CSMD1: variants seen among roughly 807,000 people sequenced by gnomAD.
CSMD1 encodes CUB and Sushi multiple domains 1, also known as CUB and sushi domain-containing protein 1.
A neutral mutation model predicts 417.5 loss-of-function variants in CSMD1; 213 were observed. That is an observed-to-expected ratio of 0.51 (90% CI 0.46 to 0.57). CSMD1 has a LOEUF of 0.57. Among genes scored for constraint, CSMD1 ranks in the 20% least tolerant of loss-of-function variants. The pLI, the probability that CSMD1 is intolerant of heterozygous loss-of-function variation, is 0.00. For synonymous variants in CSMD1, 2,862 were observed against 1,736.8 expected, an observed-to-expected ratio of 1.65 and a Z score of -16.11; for missense variants, 6,923 against 4,529.7, an observed-to-expected ratio of 1.53 and a Z score of -15.17.
chr8:3,148,718 T>G (rs779094893), intron 40 of CSMD1, among the ~76,000 whole-genome samples: 27 of 152,222 alleles, frequency 1.8e-4, no homozygotes, highest in Non-Finnish European at 3.4e-4. Flanking sequence ...CGAAAATGAT[T>G]TAAGCCCTAG....
intron 37 of CSMD1, among the ~76,000 whole-genome samples, chr8:3,173,142 A>C (rs1285189023): frequency 6.6e-6 from 1 of 152,214 alleles, no homozygotes; most frequent in Non-Finnish European, 1.5e-5. Flanking sequence ...TACGTAATTT[A>C]TTTGGCACCT....
intron 1 of CSMD1, among the ~76,000 whole-genome samples, chr8:4,666,263 C>A (rs540088168): frequency 3.3e-5 from 5 of 152,124 alleles, no homozygotes; most frequent in Admixed American, 2.6e-4. Flanking sequence ...GATGGAATCA[C>A]GGTTGCTAAT....
At chr8:4,815,844 G>A (rs949500687) in intron 1 of CSMD1, among the ~76,000 whole-genome samples, 1 of 152,004 alleles carries the variant, frequency 6.6e-6, no homozygotes, top group Non-Finnish European at 1.5e-5. Context: ...CTCCCAAGAA[G>A]GGCTGTGGTT....
At chr8:4,736,642 T>A (rs529581493) in intron 1 of CSMD1, among the ~76,000 whole-genome samples, 1 of 152,190 alleles carries the variant, frequency 6.6e-6, no homozygotes, top group South Asian at 2.1e-4. Flanking sequence ...CACCTAATTA[T>A]CAAAAGGAAT....
chr8:4,142,302 G>C (rs1369750927), intron 3 of CSMD1, among the ~76,000 whole-genome samples: 1 of 151,010 alleles, frequency 6.6e-6, no homozygotes, highest in Admixed American at 6.6e-5. Context: ...TGCTCCCAAA[G>C]ATTTGCTATC....
chr8:3,608,982 T>A (rs1262241847), intron 8 of CSMD1, among the ~76,000 whole-genome samples: 1 of 152,140 alleles, frequency 6.6e-6, no homozygotes, highest in African/African-American at 2.4e-5. Flanking sequence ...CCTCATTGGC[T>A]ACTTTGTGAA....
chr8:4,005,488 CCA>C (rs1021178478), intron 4 of CSMD1, among the ~76,000 whole-genome samples: 1 of 152,136 alleles, frequency 6.6e-6, no homozygotes, highest in Non-Finnish European at 1.5e-5. Context: ...TGAATTATCT[CCA>C]GTTTCAAATC....
rs1037057831 is a variant in CSMD1 at position 3,040,747 on chromosome 8, G to A, written c.7661-11234C>T. 2.0e-5 allele frequency among the ~76,000 whole-genome samples: 3 copies of A among 152,122 alleles called. No homozygotes were observed. In the South Asian group the frequency reaches 6.2e-4, roughly 31 times the overall value. Reference sequence around the variant, plus strand: ...GAACCCGAGAGACAGAGGTTAGAGCGAGTTGAGATCGTGCCACTGCACTCC... The same window carrying A: ...GAACCCGAGAGACAGAGGTTAGAGCAAGTTGAGATCGTGCCACTGCACTCC... On this transcript the variant is annotated intron_variant, in intron 50 of 69. Coordinates refer to ENST00000635120, the MANE Select transcript of CSMD1 (RefSeq NM_033225.6).
intron 5 of CSMD1, among the ~76,000 whole-genome samples, chr8:3,822,394 T>C (rs997783999): frequency 3.3e-5 from 5 of 151,976 alleles, no homozygotes; most frequent in South Asian, 2.1e-4. Context: ...TAAAAAAGAG[T>C]CTGAAACCTT....
chr8:3,393,674 TTC>T, intron 17 of CSMD1, among the ~76,000 whole-genome samples: 1 of 151,744 alleles, frequency 6.6e-6, no homozygotes, highest in Non-Finnish European at 1.5e-5. Context: ...AATTGATGAG[TTC>T]ATGTCTTTTG....
intron 48 of CSMD1, among the ~76,000 whole-genome samples, chr8:3,089,624 A>T (rs183721305): frequency 6.6e-6 from 1 of 152,192 alleles, no homozygotes. Flanking sequence ...CATTTAATCA[A>T]TGCTCAAAAA....
chr8:3,487,646 A>G (rs545749077), intron 11 of CSMD1, among the ~76,000 whole-genome samples: 28 of 152,242 alleles, frequency 1.8e-4, no homozygotes, highest in Non-Finnish European at 2.9e-4. Context: ...TCTACTTAGA[A>G]TAATGGAATT....
chr8:4,049,419 C>A (rs1329284210), intron 3 of CSMD1, among the ~76,000 whole-genome samples: 2 of 151,366 alleles, frequency 1.3e-5, no homozygotes, highest in Admixed American at 6.6e-5. Flanking sequence ...GAAAAATTAC[C>A]CCCAGCTCAA....
At chr8:4,384,399 T>G (rs968214481) in intron 3 of CSMD1, among the ~76,000 whole-genome samples, 1 of 152,188 alleles carries the variant, frequency 6.6e-6, no homozygotes, top group South Asian at 2.1e-4. Context: ...TAAATACTTT[T>G]GGAAAATATA....
chr8:4,222,508 T>A (rs1191570191), intron 3 of CSMD1, among the ~76,000 whole-genome samples: 1 of 152,200 alleles, frequency 6.6e-6, no homozygotes, highest in Non-Finnish European at 1.5e-5. Flanking sequence ...TTGTTAATAT[T>A]ATTATTGTTA....
intron 2 of CSMD1, among the ~76,000 whole-genome samples, chr8:4,466,353 G>C (rs1202789600): frequency 6.6e-6 from 1 of 152,076 alleles, no homozygotes; most frequent in Non-Finnish European, 1.5e-5. Flanking sequence ...GACAGAGGTT[G>C]ACAAGGACTA....
At chr8:3,526,237 T>C (rs1247310094) in intron 10 of CSMD1, among the ~76,000 whole-genome samples, 4 of 152,122 alleles carry the variant, frequency 2.6e-5, no homozygotes, top group African/African-American at 7.2e-5. Context: ...CTGAACCTTC[T>C]ATAGAATATA....
At chr8:3,459,845 C>T (rs1274499458) in intron 12 of CSMD1, among the ~76,000 whole-genome samples, 1 of 151,958 alleles carries the variant, frequency 6.6e-6, no homozygotes, top group African/African-American at 2.4e-5. Flanking sequence ...TATAATTCCT[C>T]AAACGTATAA....
intron 5 of CSMD1, among the ~76,000 whole-genome samples, chr8:3,832,194 C>A (rs993948349): frequency 6.6e-6 from 1 of 152,114 alleles, no homozygotes. Flanking sequence ...GGCTGAGTCA[C>A]GTGGGATGGA....
Sources: gnomAD v4.1 joint callset for allele counts (sites outside exome capture counted in the v4.1 genomes callset) on GRCh38, gnomAD v4.1.1 for gene constraint, MANE v1.5 for transcripts, NCBI Gene and HGNC (gene_info 2026-07-23, HGNC 2026-07-21) for gene names.